Variants in CEP162 observed in about 807,000 individuals in gnomAD.
CEP162 encodes the protein centrosomal protein 162.
CEP162 carries 141 observed loss-of-function variants against 169.2 expected under a neutral mutation model. The observed-to-expected ratio is 0.83, with a 90% CI of 0.73 to 0.96. The LOEUF is 0.96. Ranked by LOEUF, CEP162 falls within the 40% of genes least tolerant of loss-of-function variation. The pLI, the probability that CEP162 is intolerant of heterozygous loss-of-function variation, is 0.00. For missense variants in CEP162, 1,600 were observed against 1,587.2 expected, an observed-to-expected ratio of 1.01 and a Z score of -0.14; for synonymous variants, 540 against 526.4, an observed-to-expected ratio of 1.03 and a Z score of -0.35.
At chr6:84,214,204 G>A (rs1025862093) in intron 5 of CEP162, among the ~76,000 whole-genome samples, 3 of 152,294 alleles carry the variant, frequency 2.0e-5, no homozygotes, top group South Asian at 2.1e-4. Context: ...GTGTGATCCC[G>A]GGAGGTGGAG....
intron 3 of CEP162, among the ~76,000 whole-genome samples, chr6:84,216,699 ATTTAT>A (rs1056912290): frequency 2.6e-5 from 4 of 152,204 alleles, no homozygotes; most frequent in African/African-American, 9.6e-5. Context: ...AAAAGAGAGT[ATTTAT>A]TTTAAGAGAT....
At chr6:84,215,598 G>A (rs2099551241) in intron 4 of CEP162, 133 bp from the exon 5 acceptor site, 1 of 1,137,804 alleles carries the variant, frequency 8.8e-7, no homozygotes, top group Non-Finnish European at 1.2e-6. Flanking sequence ...CACCAAATAT[G>A]AATTCATATT....
intron 13 of CEP162, among the ~76,000 whole-genome samples, chr6:84,178,747 T>C (rs985592111): frequency 6.6e-6 from 1 of 152,170 alleles, no homozygotes; most frequent in African/African-American, 2.4e-5. Flanking sequence ...TCCATGTTGG[T>C]GTGCTGCACC....
At chr6:84,131,398 C>T (rs1247010480) in intron 25 of CEP162, among the ~76,000 whole-genome samples, 1 of 152,106 alleles carries the variant, frequency 6.6e-6, no homozygotes, top group Non-Finnish European at 1.5e-5. Context: ...TCCTGAATAT[C>T]CTTGTTAACT....
Position 84,193,699 on chromosome 6 carries a change from T to TCCTCTACTGTG in CEP162, c.1028-10_1028-9insCACAGTAGAGG, listed in dbSNP as rs1409961487. On this transcript the variant is annotated splice_polypyrimidine_tract_variant and intron_variant, in intron 10 of 26. Transcript: ENST00000403245. ...CTCTACTGTGGGCAGATCTAAGAGG[T>TCCTCTACTGTG]GGAAAAAAAAGTAGAAACGAAAAAT... 6.5e-7 allele frequency: 1 copy of TCCTCTACTGTG among 1,533,914 alleles called. No individual in the cohort carries two copies. Among genetic ancestry groups the TCCTCTACTGTG allele is most frequent in the African/African-American group, 1.4e-5 (1 of 72,124 alleles).
intron 12 of CEP162, 24 bp from the exon 13 acceptor site, chr6:84,185,472 T>G (rs1314058153): frequency 3.2e-6 from 5 of 1,574,908 alleles, no homozygotes; most frequent in Non-Finnish European, 4.3e-6. Context: ...ACAAAAGCTC[T>G]TTAGTACCTA....
At chr6:84,210,031 A>C (rs2099548827) in intron 6 of CEP162, among the ~76,000 whole-genome samples, 1 of 152,214 alleles carries the variant, frequency 6.6e-6, no homozygotes. Context: ...AGTAAAACAA[A>C]TTTGAGAGGG....
Position 84,169,395 on chromosome 6 carries a change from A to G in CEP162, c.2318T>C (p.Val773Ala). 3.8e-6 allele frequency: 6 copies of G among 1,580,574 alleles called. No individual in the cohort carries two copies. In the South Asian group the frequency reaches 7.1e-5, roughly 19 times the overall value. The change falls in exon 18 of 27, where the codon GTT becomes GCT. Residue 773 changes from valine (V) to alanine (A), a missense_variant. Coordinates refer to ENST00000403245, the MANE Select transcript of CEP162 (RefSeq NM_014895.4). ...MHKSRFLSQV[V>A]EDSEPTRNQN... The stretch of plus-strand genomic sequence containing the variant: ...ATTTCTTGTGGGCTCTGAATCTTCA[A>G]CTACTTGAGACAGAAAACGACTTTT...
Position 84,152,880 on chromosome 6 carries a change from C to CT in CEP162, c.3293dup (p.Arg1099GlufsTer46), listed in dbSNP as rs2129202665. The stretch of plus-strand genomic sequence containing the variant: ...TTTTTGAGAGGTCTTGTATTTCTCT[C>CT]TTTTTTGCAGCCAGTTCTTCATTGA... On this transcript the variant is annotated frameshift_variant, in exon 23 of 27. Coordinates refer to ENST00000403245, the MANE Select transcript of CEP162 (RefSeq NM_014895.4). LOFTEE classifies it high-confidence loss of function. 1.2e-6 allele frequency: 2 copies of CT among 1,613,682 alleles called. No individual in the cohort carries two copies. Among genetic ancestry groups the CT allele is most frequent in the Non-Finnish European group, 1.7e-6 (2 of 1,179,782 alleles).
intron 3 of CEP162, among the ~76,000 whole-genome samples, chr6:84,219,840 G>T (rs1198928223): frequency 1.3e-5 from 2 of 152,120 alleles, no homozygotes; most frequent in Non-Finnish European, 2.9e-5. Flanking sequence ...TTGTCCTATA[G>T]GTTACAACTA....
intron 25 of CEP162, among the ~76,000 whole-genome samples, chr6:84,133,511 AC>A (rs1182008412): frequency 6.6e-6 from 1 of 152,074 alleles, no homozygotes; most frequent in Non-Finnish European, 1.5e-5. Context: ...GGTGGGCTCC[AC>A]CCAGTTTGAG....
intron 25 of CEP162, among the ~76,000 whole-genome samples, chr6:84,130,469 T>A (rs1324034141): frequency 6.6e-6 from 1 of 152,224 alleles, no homozygotes; most frequent in Non-Finnish European, 1.5e-5. Context: ...AGAATTCGGC[T>A]GTGCACCCAT....
intron 6 of CEP162, among the ~76,000 whole-genome samples, chr6:84,207,908 A>G (rs1218113419): frequency 1.3e-5 from 2 of 152,134 alleles, no homozygotes; most frequent in African/African-American, 2.4e-5. Context: ...TAAGACTTTA[A>G]TATTTATTTT....
Position 84,152,936 on chromosome 6 carries a change from G to C in CEP162, c.3238C>G (p.Gln1080Glu). The change falls in exon 23 of 27, where the codon CAG becomes GAG. Residue 1080 changes from glutamine to glutamate, a missense_variant. Coordinates refer to ENST00000403245, the MANE Select transcript of CEP162 (RefSeq NM_014895.4). Reference sequence around the variant, plus strand: ...ACTAATTTAGCTTTAGCATGAGCCTGTTCCACCTGGAATTCTATAGACTGA... The same window carrying C: ...ACTAATTTAGCTTTAGCATGAGCCTCTTCCACCTGGAATTCTATAGACTGA... The part of the protein sequence containing the change: ...DFQSIEFQVE[Q>E]AHAKAKLVRL... 6.2e-6 allele frequency: 10 copies of C among 1,613,704 alleles called. No individual in the cohort carries two copies. The highest frequency in any genetic ancestry group is 8.5e-6 in the Non-Finnish European group (10 of 1,179,780).
At chr6:84,178,512 C>T (rs1303970797) in intron 13 of CEP162, among the ~76,000 whole-genome samples, 1 of 152,056 alleles carries the variant, frequency 6.6e-6, no homozygotes, top group Admixed American at 6.6e-5. Flanking sequence ...ATTTATTCAA[C>T]CATTGAGCAT....
At chr6:84,178,414 G>C (rs1367637695) in intron 13 of CEP162, among the ~76,000 whole-genome samples, 2 of 152,086 alleles carry the variant, frequency 1.3e-5, no homozygotes, top group East Asian at 3.9e-4. Flanking sequence ...TTTTGAAGCT[G>C]GGTGAGGGAT....
chr6:84,146,800 G>C lies in CEP162; in HGVS notation c.3772-15C>G. 7.4e-7 allele frequency: 1 copy of C among 1,350,580 alleles called. No individual in the cohort carries two copies. The highest frequency in any genetic ancestry group is 1.0e-6 in the Non-Finnish European group (1 of 971,070). 83.7% of individuals were successfully genotyped at this position (1,350,580 alleles called of 1,614,324 possible). A position where few individuals can be genotyped will look rare whatever the true frequency, so the allele number is the denominator to read the frequency against. ...CTTATAAGTACCTAGGAAATTGTTA[G>C]AAGTGCTGAGTTAATAAAGCTCCTC... On this transcript the variant is annotated splice_polypyrimidine_tract_variant and intron_variant, in intron 24 of 26. Transcript: ENST00000403245.
Position 84,215,473 on chromosome 6 carries a change from GA to G in CEP162, c.320-9del. ...GCTCAGAAACTACTAGTTCTAAATG[GA>G]AAGCACAAATATATTTTAGTAATAT... On this transcript the variant is annotated splice_polypyrimidine_tract_variant and intron_variant, in intron 4 of 26. Transcript: ENST00000403245. The G allele has an allele frequency of 6.5e-7, 1 of 1,542,812 alleles. No homozygotes were observed.
chr6:84,179,754 A>G (rs2099533961), intron 13 of CEP162, among the ~76,000 whole-genome samples: 1 of 152,200 alleles, frequency 6.6e-6, no homozygotes, highest in Non-Finnish European at 1.5e-5. Context: ...AGAAATGGAT[A>G]AATTCCTGGA....
Sources: gnomAD v4.1 joint callset for allele counts (sites outside exome capture counted in the v4.1 genomes callset) on GRCh38, gnomAD v4.1.1 for gene constraint, MANE v1.5 for transcripts, NCBI Gene and HGNC (gene_info 2026-07-23, HGNC 2026-07-21) for gene names.